The following RYR2 variants were observed in gnomAD, a reference collection of about 807,000 sequenced individuals.
The protein encoded by RYR2 is ryanodine receptor 2.
Under a neutral mutation model 601.1 loss-of-function variants are expected in RYR2, and 227 were observed. That is an observed-to-expected ratio of 0.38 (90% CI 0.34 to 0.42). The LOEUF is 0.42. Ranked by LOEUF, RYR2 falls within the 10% of genes least tolerant of loss-of-function variation. The pLI is 1.00. For synonymous variants in RYR2, 2,223 were observed against 2,175.1 expected, an observed-to-expected ratio of 1.02 and a Z score of -0.61; for missense variants, 4,646 against 6,156.5, an observed-to-expected ratio of 0.75 and a Z score of 8.21.
intron 1 of RYR2, among the ~76,000 whole-genome samples, chr1:237,248,759 ATTTTT>A (rs34881922): frequency 1.7e-5 from 2 of 119,934 alleles, no homozygotes; most frequent in African/African-American, 3.1e-5. Flanking sequence ...ATGAATGTAC[ATTTTT>A]TTTTTTTTTT....
chr1:237,719,505 G>T (rs1689532116), intron 73 of RYR2, among the ~76,000 whole-genome samples: 1 of 152,100 alleles, frequency 6.6e-6, no homozygotes, highest in Non-Finnish European at 1.5e-5. Flanking sequence ...GGAGAGGCAG[G>T]CATCTCGCCT....
At chr1:237,071,667 C>T (rs1048367325) in intron 1 of RYR2, among the ~76,000 whole-genome samples, 3 of 152,344 alleles carry the variant, frequency 2.0e-5, no homozygotes, top group East Asian at 3.9e-4. Flanking sequence ...GGCCCCCAGG[C>T]TTCAGGTCGT....
At chr1:237,644,024 A>G (rs1246488842) in intron 48 of RYR2, among the ~76,000 whole-genome samples, 2 of 152,130 alleles carry the variant, frequency 1.3e-5, no homozygotes, top group Non-Finnish European at 2.9e-5. Context: ...AGAAACATGC[A>G]CTGCTACCCT....
chr1:237,794,182 CCT>C (rs1430317869), intron 95 of RYR2, among the ~76,000 whole-genome samples, 185 bp downstream of exon 95: 1 of 152,010 alleles, frequency 6.6e-6, no homozygotes, highest in Non-Finnish European at 1.5e-5. Flanking sequence ...CAATTTTTGC[CCT>C]CTGAGTTCTG....
At chr1:237,531,644 A>C (rs1668149440) in intron 25 of RYR2, among the ~76,000 whole-genome samples, 1 of 152,218 alleles carries the variant, frequency 6.6e-6, no homozygotes, top group African/African-American at 2.4e-5. Context: ...GCAAGTCTCT[A>C]GTTCAACAGT....
At chr1:237,713,648 C>T (rs143187856) in intron 71 of RYR2, among the ~76,000 whole-genome samples, 17 of 152,204 alleles carry the variant, frequency 1.1e-4, no homozygotes, top group African/African-American at 3.1e-4. Context: ...CTGACGGCCT[C>T]GGCCTCCCAA....
chr1:237,333,816 G>A (rs1696983007), intron 3 of RYR2, among the ~76,000 whole-genome samples: 1 of 152,106 alleles, frequency 6.6e-6, no homozygotes, highest in Admixed American at 6.5e-5. Context: ...TTGCTTAAAT[G>A]AAGAGCCACT....
intron 2 of RYR2, among the ~76,000 whole-genome samples, chr1:237,295,517 A>G (rs1052882736): frequency 6.6e-6 from 1 of 152,202 alleles, no homozygotes; most frequent in African/African-American, 2.4e-5. Flanking sequence ...TTAAAAAGAC[A>G]TTGAAATGTT....
chr1:237,441,356 G>A lies in RYR2; in HGVS notation c.1043G>A (p.Gly348Asp), dbSNP rs747138259. 5.0e-6 allele frequency: 8 copies of A among 1,613,692 alleles called. No homozygotes were observed. Among genetic ancestry groups the A allele is most frequent in the Non-Finnish European group, 6.8e-6 (8 of 1,179,736 alleles). Residue 348 changes from glycine to aspartate, a missense_variant, in exon 13 of 105, where the codon GGC (glycine) becomes GAC (aspartate). Gly to Asp is a moderately conservative substitution (Grantham distance 94). Coordinates refer to ENST00000366574, the MANE Select transcript of RYR2 (RefSeq NM_001035.3). ...LDVGVRKEVD[G>D]MGTSEIKYGD... Reference sequence around the variant, plus strand: ...GTAGGGGTGAGAAAAGAAGTAGATGGCATGGGAACATCTGAAATAAAATAC... The same window carrying A: ...GTAGGGGTGAGAAAAGAAGTAGATGACATGGGAACATCTGAAATAAAATAC...
intron 17 of RYR2, among the ~76,000 whole-genome samples, chr1:237,481,354 C>T (rs2150364199): frequency 6.6e-6 from 1 of 152,140 alleles, no homozygotes; most frequent in South Asian, 2.1e-4. Context: ...TTCTTGACTT[C>T]AAATTTATAC....
chr1:237,659,439 A>C (rs1683562793), intron 54 of RYR2, among the ~76,000 whole-genome samples: 2 of 152,202 alleles, frequency 1.3e-5, no homozygotes. Context: ...GGGCAAAATA[A>C]TATGGAATGA....
intron 19 of RYR2, 79 bp from the exon 20 acceptor site, chr1:237,496,432 G>A (rs1664080228): frequency 6.4e-7 from 1 of 1,565,618 alleles, no homozygotes; most frequent in African/African-American, 1.4e-5. Context: ...AAATACACAA[G>A]TGAAATTGTG....
chr1:237,536,427 C>T (rs1435144076), intron 25 of RYR2, among the ~76,000 whole-genome samples: 1 of 150,894 alleles, frequency 6.6e-6, no homozygotes, highest in South Asian at 2.1e-4. Context: ...AAAAAATTAG[C>T]CGGGTGGCCG....
At chr1:237,413,487 C>T (rs1175259353) in intron 10 of RYR2, among the ~76,000 whole-genome samples, 1 of 151,968 alleles carries the variant, frequency 6.6e-6, no homozygotes, top group African/African-American at 2.4e-5. Flanking sequence ...TGTATAAATC[C>T]ATATAACTTT....
chr1:237,743,861 T>G (rs1042587116), intron 80 of RYR2, among the ~76,000 whole-genome samples: 1 of 152,234 alleles, frequency 6.6e-6, no homozygotes, highest in Non-Finnish European at 1.5e-5. Context: ...CAGCTAACTT[T>G]GAGCTGCATA....
chr1:237,331,525 T>A (rs1049414928), intron 3 of RYR2, among the ~76,000 whole-genome samples: 1 of 152,036 alleles, frequency 6.6e-6, no homozygotes, highest in African/African-American at 2.4e-5. Context: ...TTTTTTGAGA[T>A]GGAGTCTGGC....
At chr1:237,189,862 G>GT in intron 1 of RYR2, among the ~76,000 whole-genome samples, 1 of 135,946 alleles carries the variant, frequency 7.4e-6, no homozygotes, top group East Asian at 2.4e-4. Context: ...ATTCCATACT[G>GT]TTTTATTTTT....
chr1:237,731,361 A>C (rs1388663551), intron 77 of RYR2, among the ~76,000 whole-genome samples: 6 of 152,200 alleles, frequency 3.9e-5, no homozygotes, highest in African/African-American at 1.4e-4. Flanking sequence ...CGATAGTAAA[A>C]AAAAAATATT....
At chr1:237,300,824 C>G (rs193190550) in intron 2 of RYR2, among the ~76,000 whole-genome samples, 1 of 152,130 alleles carries the variant, frequency 6.6e-6, no homozygotes, top group East Asian at 1.9e-4. Context: ...ATCTTCACTC[C>G]CATAATGCTG....
Sources: gnomAD v4.1 joint callset for allele counts (sites outside exome capture counted in the v4.1 genomes callset) on GRCh38, gnomAD v4.1.1 for gene constraint, MANE v1.5 for transcripts, NCBI Gene and HGNC (gene_info 2026-07-23, HGNC 2026-07-21) for gene names.